The following IL1R1 variants were observed in gnomAD, a reference collection of about 807,000 sequenced individuals.
IL1R1 encodes the protein interleukin-1 receptor type 1.
IL1R1 carries 22 observed loss-of-function variants against 50.2 expected under a neutral mutation model. The observed-to-expected ratio is 0.44, with a 90% CI of 0.31 to 0.63. The LOEUF is 0.63. IL1R1 is among the 20% of genes least tolerant of loss of function. The probability of loss-of-function intolerance (pLI) is 0.07; values close to 1 mark genes in which losing one functional copy is unlikely to be tolerated. For missense variants in IL1R1, 509 were observed against 676.2 expected, an observed-to-expected ratio of 0.75 and a Z score of 2.74; for synonymous variants, 251 against 236.7, an observed-to-expected ratio of 1.06 and a Z score of -0.55.
chr2:102,092,942 A>C (rs538432549), intron 1 of IL1R1, among the ~76,000 whole-genome samples: 1 of 152,334 alleles, frequency 6.6e-6, no homozygotes, highest in Middle Eastern at 3.4e-3. Flanking sequence ...CTCAGAGGCC[A>C]GAAAGAGAGA....
At chr2:102,101,458 G>T (rs759264318), upstream of IL1R1, among the ~76,000 whole-genome samples, 2 of 152,158 alleles carry the variant, frequency 1.3e-5, no homozygotes, top group Admixed American at 6.5e-5. Context: ...GGGAGCCAAG[G>T]TTAGATTCTA....
intron 2 of IL1R1, among the ~76,000 whole-genome samples, chr2:102,154,589 C>T (rs1683996476): frequency 6.6e-6 from 1 of 152,066 alleles, no homozygotes; most frequent in Non-Finnish European, 1.5e-5. Context: ...CTCAAATATG[C>T]CCCCGCCTGC....
intron 1 of IL1R1, among the ~76,000 whole-genome samples, chr2:102,076,541 C>T (rs1005187708): frequency 5.3e-5 from 8 of 152,150 alleles, no homozygotes; most frequent in Admixed American, 4.6e-4. Context: ...CTGAAAATGA[C>T]TTCATTTTAT....
In IL1R1 at chr2:102,128,952, A is replaced by G. The variant is rs533177992; in HGVS notation, c.-84+24080A>G. ...TGTGGTGGCTCACTCCTGTAATCCC[A>G]TAGTTTTGGGAGGCTGATACAGGAA... On this transcript the variant is annotated intron_variant, in intron 1 of 10. Coordinates refer to the IL1R1 transcript ENST00000409329. Among the ~76,000 whole-genome samples, 61 of 152,280 alleles carry G rather than the reference A, an allele frequency of 4.0e-4. No individual in the cohort carries two copies. The Middle Eastern group carries it at 0.01, about 25-fold the overall frequency.
intron 1 of IL1R1, among the ~76,000 whole-genome samples, chr2:102,106,178 G>T (rs1335140543): frequency 6.6e-6 from 1 of 152,136 alleles, no homozygotes; most frequent in Non-Finnish European, 1.5e-5. Context: ...AGGACCAACT[G>T]GTTTGGTGAG....
At chr2:102,108,004 GC>G (rs1680515417) in intron 1 of IL1R1, among the ~76,000 whole-genome samples, 1 of 152,150 alleles carries the variant, frequency 6.6e-6, no homozygotes, top group Non-Finnish European at 1.5e-5. Context: ...GCCTGTGCTA[GC>G]CACCTCACAA....
chr2:102,084,740 G>A (rs1240518526), intron 1 of IL1R1, among the ~76,000 whole-genome samples: 2 of 152,130 alleles, frequency 1.3e-5, no homozygotes, highest in Admixed American at 1.3e-4. Context: ...ACTATTTTCT[G>A]TTGGTCTTGT....
chr2:102,158,040 A>C (rs1428308791), intron 3 of IL1R1, among the ~76,000 whole-genome samples: 1 of 152,230 alleles, frequency 6.6e-6, no homozygotes, highest in Non-Finnish European at 1.5e-5. Context: ...TTTGGAACAA[A>C]AGCTAAAATC....
At position 102,164,871 on chromosome 2, in the gene IL1R1, C is replaced by T. The variant is rs1454942118; in HGVS notation, c.159C>T (p.Gly53=). 1 of 1,613,840 alleles carries T rather than the reference C, an allele frequency of 6.2e-7. No individual in the cohort carries two copies. Among genetic ancestry groups the T allele is most frequent in the Non-Finnish European group, 8.5e-7 (1 of 1,179,812 alleles). Residue 53 remains glycine, a synonymous_variant, in exon 4 of 12, where the codon GGC becomes GGT. Coordinates refer to ENST00000410023, the MANE Select transcript of IL1R1 (RefSeq NM_000877.4). ...CTCTTAACCCAAATGAACACAAAGGCACTATAACTTGGTATAAAGATGACA... is the reference window on the plus strand; with the variant it reads ...CTCTTAACCCAAATGAACACAAAGGTACTATAACTTGGTATAAAGATGACA... ...PCPLNPNEHK[G]TITWYKDDSK...
At chr2:102,072,418 A>G (rs1678772661) in intron 1 of IL1R1, among the ~76,000 whole-genome samples, 1 of 152,236 alleles carries the variant, frequency 6.6e-6, no homozygotes, top group African/African-American at 2.4e-5. Context: ...ACAGATTTTA[A>G]TAGTTTACAC....
intron 1 of IL1R1, among the ~76,000 whole-genome samples, chr2:102,092,629 A>G (rs962591484): frequency 2.0e-5 from 3 of 152,192 alleles, no homozygotes; most frequent in African/African-American, 7.2e-5. Context: ...CGTAACATTG[A>G]AAATTTTGCA....
intron 1 of IL1R1, among the ~76,000 whole-genome samples, chr2:102,115,719 G>A (rs1681034170): frequency 6.6e-6 from 1 of 152,132 alleles, no homozygotes; most frequent in Non-Finnish European, 1.5e-5. Context: ...GGAAGAAGAA[G>A]ACTTGAGCTG....
intron 9 of IL1R1, among the ~76,000 whole-genome samples, chr2:102,173,312 G>A (rs1317776165): frequency 6.6e-6 from 1 of 152,036 alleles, no homozygotes; most frequent in Non-Finnish European, 1.5e-5. Context: ...TCATGAATTG[G>A]TATAATAAAA....
chr2:102,144,723 G>A (rs143503713), intron 1 of IL1R1, among the ~76,000 whole-genome samples: 8 of 152,238 alleles, frequency 5.3e-5, no homozygotes, highest in East Asian at 1.9e-4. Flanking sequence ...TTTGAAATCC[G>A]CCCCTTTGTA....
chr2:102,095,980 C>A (rs181722977), intron 1 of IL1R1, among the ~76,000 whole-genome samples: 2 of 151,776 alleles, frequency 1.3e-5, no homozygotes, highest in Non-Finnish European at 2.9e-5. Flanking sequence ...TCCAGCCTGG[C>A]GATATAGCCA....
intron 1 of IL1R1, among the ~76,000 whole-genome samples, chr2:102,144,872 TC>T (rs1183134353): frequency 6.6e-6 from 1 of 152,062 alleles, no homozygotes; most frequent in Non-Finnish European, 1.5e-5. Context: ...GTTTGTGGTG[TC>T]CCTTGCCTCA....
chr2:102,074,336 G>A (rs892581398), intron 1 of IL1R1, among the ~76,000 whole-genome samples: 1 of 152,158 alleles, frequency 6.6e-6, no homozygotes, highest in Non-Finnish European at 1.5e-5. Flanking sequence ...GCTTTCACAC[G>A]TCTGGTGCTT....
intron 1 of IL1R1, among the ~76,000 whole-genome samples, chr2:102,113,123 GC>G (rs1292823543): frequency 6.6e-6 from 1 of 152,224 alleles, no homozygotes; most frequent in Non-Finnish European, 1.5e-5. Flanking sequence ...TGTTACAGCA[GC>G]CCAGGCTAAG....
chr2:102,122,846 T>C (rs1400008424), intron 1 of IL1R1, among the ~76,000 whole-genome samples: 1 of 152,238 alleles, frequency 6.6e-6, no homozygotes, highest in East Asian at 1.9e-4. Context: ...TTGTTTTGAC[T>C]CCATCTATAA....
Sources: gnomAD v4.1 joint callset for allele counts (sites outside exome capture counted in the v4.1 genomes callset) on GRCh38, gnomAD v4.1.1 for gene constraint, MANE v1.5 for transcripts, NCBI Gene and HGNC (gene_info 2026-07-23, HGNC 2026-07-21) for gene names.